The following GALNT14 variants were observed in gnomAD, a reference collection of about 807,000 sequenced individuals.
GALNT14 encodes UDP-GalNAc:polypeptide N-acetylgalactosaminyltransferase 14.
Under a neutral mutation model 77.5 loss-of-function variants are expected in GALNT14, and 60 were observed. The ratio of observed to expected loss-of-function variants is 0.77; its 90% CI spans 0.63 to 0.96. The LOEUF is 0.96. GALNT14 is among the 40% of genes least tolerant of loss of function. The pLI is 0.00. For missense variants in GALNT14, 710 were observed against 731.0 expected, an observed-to-expected ratio of 0.97 and a Z score of 0.33; for synonymous variants, 280 against 281.7, an observed-to-expected ratio of 0.99 and a Z score of 0.06.
chr2:30,975,999 C>G (rs1160901048), intron 2 of GALNT14, among the ~76,000 whole-genome samples: 1 of 152,172 alleles, frequency 6.6e-6, no homozygotes, highest in Admixed American at 6.5e-5. Context: ...TCCTCTCTTC[C>G]CCAATTCCAT....
At chr2:30,985,124 G>A (rs1365199108) in intron 2 of GALNT14, among the ~76,000 whole-genome samples, 1 of 148,882 alleles carries the variant, frequency 6.7e-6, no homozygotes. Flanking sequence ...TAAATGTGTG[G>A]AGTAAAGGAA....
chr2:30,924,917 C>T (rs933185190), intron 11 of GALNT14, 94 bp from the exon 12 acceptor site: 17 of 931,428 alleles, frequency 1.8e-5, no homozygotes, highest in South Asian at 7.1e-5. Context: ...GAACACAAAG[C>T]GCGACCCATG....
chr2:31,120,723 A>G (rs1678368763), intron 1 of GALNT14, among the ~76,000 whole-genome samples: 1 of 151,736 alleles, frequency 6.6e-6, no homozygotes, highest in African/African-American at 2.4e-5. Flanking sequence ...CGCCCAGCTA[A>G]TTTTCGTATT....
At chr2:31,035,671 T>C (rs1672696908) in intron 1 of GALNT14, among the ~76,000 whole-genome samples, 1 of 146,778 alleles carries the variant, frequency 6.8e-6, no homozygotes, top group African/African-American at 2.5e-5. Context: ...TGGAATACTA[T>C]GCAACCATAA....
At chr2:31,078,653 T>C (rs1675961918) in intron 1 of GALNT14, among the ~76,000 whole-genome samples, 1 of 152,162 alleles carries the variant, frequency 6.6e-6, no homozygotes, top group African/African-American at 2.4e-5. Context: ...AGGCTAGCCC[T>C]ACAGAAGTAC....
At chr2:31,037,193 A>C (rs943033321) in intron 1 of GALNT14, among the ~76,000 whole-genome samples, 1 of 152,102 alleles carries the variant, frequency 6.6e-6, no homozygotes, top group Non-Finnish European at 1.5e-5. Flanking sequence ...TGTTCCTCAG[A>C]CTGGATAATC....
chr2:31,000,435 C>CTGTGTGTGTGTGTGTGTG (rs3223043), intron 1 of GALNT14, among the ~76,000 whole-genome samples: 16 of 146,080 alleles, frequency 1.1e-4, no homozygotes, highest in East Asian at 2.0e-4. Context: ...ATATCACCAA[C>CTGTGTGTGTGTGTGTGTG]TGTGTGTGTG....
At chr2:31,053,293 T>C (rs1674005912) in intron 1 of GALNT14, among the ~76,000 whole-genome samples, 1 of 152,146 alleles carries the variant, frequency 6.6e-6, no homozygotes, top group Non-Finnish European at 1.5e-5. Flanking sequence ...CGGGGGGCAG[T>C]CAGTCACTTC....
intron 1 of GALNT14, among the ~76,000 whole-genome samples, chr2:31,083,679 T>G (rs1676268322): frequency 6.6e-6 from 1 of 152,208 alleles, no homozygotes; most frequent in South Asian, 2.1e-4. Context: ...GGATCAGATC[T>G]GCTGCCTCCT....
chr2:31,076,428 T>G (rs1030435021), intron 1 of GALNT14, among the ~76,000 whole-genome samples: 1 of 152,106 alleles, frequency 6.6e-6, no homozygotes, highest in East Asian at 1.9e-4. Context: ...ACCCCCGCTC[T>G]GAGACCACCA....
At chr2:31,027,536 G>A (rs1426259322) in intron 1 of GALNT14, among the ~76,000 whole-genome samples, 1 of 151,966 alleles carries the variant, frequency 6.6e-6, no homozygotes, top group Non-Finnish European at 1.5e-5. Context: ...TTAGCATAGT[G>A]CAAAAGATCC....
At chr2:31,004,759 G>C (rs1670565016) in intron 1 of GALNT14, among the ~76,000 whole-genome samples, 1 of 152,186 alleles carries the variant, frequency 6.6e-6, no homozygotes, top group Non-Finnish European at 1.5e-5. Flanking sequence ...GGACAGAGCA[G>C]CTCTCCCTCC....
intron 13 of GALNT14, 51 bp from the exon 14 acceptor site, chr2:30,912,393 C>G: frequency 6.2e-7 from 1 of 1,603,836 alleles, no homozygotes; most frequent in South Asian, 1.1e-5. Context: ...GAAGCCACCA[C>G]TCGTGGGATA....
At position 31,039,076 on chromosome 2, in the gene GALNT14, C is replaced by T. The variant is rs969725504; in HGVS notation, c.130-46069G>A. On this transcript the variant is annotated intron_variant, in intron 1 of 14. Coordinates refer to ENST00000349752, the MANE Select transcript of GALNT14 (RefSeq NM_024572.4). ...CCATCTTTCTTAAACAAATGCTCCCCGGATTGTTTCAAGTCTTTGGTTAAT... is the reference window on the plus strand; with the variant it reads ...CCATCTTTCTTAAACAAATGCTCCCTGGATTGTTTCAAGTCTTTGGTTAAT... Among the ~76,000 whole-genome samples, 3 of 152,160 alleles carry T rather than the reference C, an allele frequency of 2.0e-5. No individual in the cohort carries two copies. In the South Asian group the frequency reaches 6.2e-4, roughly 32 times the overall value.
chr2:30,937,161 G>C (rs1378206693), intron 9 of GALNT14, among the ~76,000 whole-genome samples: 1 of 152,228 alleles, frequency 6.6e-6, no homozygotes, highest in Non-Finnish European at 1.5e-5. Context: ...GAGGCTGAAA[G>C]AGAAAGTCAA....
chr2:30,958,666 G>A (rs977224913), intron 3 of GALNT14, among the ~76,000 whole-genome samples: 3 of 152,020 alleles, frequency 2.0e-5, no homozygotes, highest in Admixed American at 1.3e-4. Context: ...TCCACCACCC[G>A]CAAAGCCACC....
Position 31,088,715 on chromosome 2 carries a change from G to C in GALNT14, c.129+49243C>G, listed in dbSNP as rs148015813. Among the ~76,000 whole-genome samples the C allele has an allele frequency of 3.3e-3, 504 of 152,330 alleles. 2 individuals are homozygous for C. Among genetic ancestry groups the C allele is most frequent in the Middle Eastern group, 0.024 (7 of 294 alleles). ...ACAAGGGAAAATATGCAGTCGGGTG[G>C]GGTTATGTTTAGGATGGGTGATGCT... On this transcript the variant is annotated intron_variant, in intron 1 of 14. Coordinates refer to ENST00000349752, the MANE Select transcript of GALNT14 (RefSeq NM_024572.4).
intron 6 of GALNT14, among the ~76,000 whole-genome samples, chr2:30,954,980 A>T (rs1366848119): frequency 1.3e-5 from 2 of 152,252 alleles, no homozygotes; most frequent in Non-Finnish European, 2.9e-5. Context: ...ATTGCCACAC[A>T]TTCTGTAGAT....
At chr2:30,907,779 A>G (rs1405415006), downstream of GALNT14, among the ~76,000 whole-genome samples, 3 of 149,026 alleles carry the variant, frequency 2.0e-5, no homozygotes, top group Non-Finnish European at 4.4e-5. Context: ...TTAGACCAAT[A>G]TCCTTGATGA....
Sources: gnomAD v4.1 joint callset for allele counts (sites outside exome capture counted in the v4.1 genomes callset) on GRCh38, gnomAD v4.1.1 for gene constraint, MANE v1.5 for transcripts, NCBI Gene and HGNC (gene_info 2026-07-23, HGNC 2026-07-21) for gene names.